ASXL2: variants seen among roughly 807,000 people sequenced by gnomAD.
ASXL2 encodes the protein ASXL transcriptional regulator 2.
A neutral mutation model predicts 122.0 loss-of-function variants in ASXL2; 23 were observed. The observed-to-expected ratio is 0.19, with a 90% CI of 0.14 to 0.27. ASXL2 has a LOEUF of 0.27. ASXL2 is among the 10% of genes least tolerant of loss of function. The pLI, the probability that ASXL2 is intolerant of heterozygous loss-of-function variation, is 1.00. For missense variants in ASXL2, 1,518 were observed against 1,713.8 expected, an observed-to-expected ratio of 0.89 and a Z score of 2.02; for synonymous variants, 650 against 637.0, an observed-to-expected ratio of 1.02 and a Z score of -0.31.
Position 25,744,499 on chromosome 2 carries a change from AAAC to A in ASXL2, c.1861-26_1861-24del. On this transcript the variant is annotated intron_variant, in intron 12 of 12. Coordinates refer to ENST00000435504, the MANE Select transcript of ASXL2 (RefSeq NM_018263.6). The surrounding 1 kb of genome is among the most constrained non-coding windows in gnomAD (Gnocchi z 4.7). ...GATCTGAAAGAAGTAGAGGGGAAAA[AAAC>A]AACAGAGCTTAGTTTTCATTTGTAA... 2 of 1,565,456 alleles carry A rather than the reference AAAC, an allele frequency of 1.3e-6. No homozygotes were observed. The highest frequency in any genetic ancestry group is 1.2e-5 in the South Asian group (1 of 85,502).
intron 5 of ASXL2, among the ~76,000 whole-genome samples, chr2:25,774,080 C>T (rs944691065): frequency 6.6e-6 from 1 of 151,530 alleles, no homozygotes; most frequent in African/African-American, 2.4e-5. Context: ...TACATCTTGC[C>T]TAAAGTATAA....
At chr2:25,745,641 C>CTTTTTTTTT (rs59530493) in intron 12 of ASXL2, among the ~76,000 whole-genome samples, 1 of 75,676 alleles carries the variant, frequency 1.3e-5, no homozygotes, top group Non-Finnish European at 2.6e-5. Context: ...TGATTTCCTT[C>CTTTTTTTTT]TTTTTTTTTT....
intron 3 of ASXL2, among the ~76,000 whole-genome samples, chr2:25,815,118 T>C (rs1420215154): frequency 6.6e-6 from 1 of 152,174 alleles, no homozygotes; most frequent in African/African-American, 2.4e-5. Context: ...CACCCTCACA[T>C]ACAACTATTC....
At chr2:25,840,743 C>T (rs2089570046) in intron 2 of ASXL2, among the ~76,000 whole-genome samples, 1 of 152,118 alleles carries the variant, frequency 6.6e-6, no homozygotes, top group Non-Finnish European at 1.5e-5. Flanking sequence ...TATGCATATA[C>T]CTTATTTTGT....
intron 4 of ASXL2, among the ~76,000 whole-genome samples, chr2:25,803,072 C>T (rs1254055059): frequency 2.0e-5 from 3 of 152,180 alleles, no homozygotes; most frequent in Admixed American, 6.5e-5. Flanking sequence ...GCGGAGGTTG[C>T]AGTGAGCTGA....
intron 1 of ASXL2, among the ~76,000 whole-genome samples, chr2:25,864,835 T>C (rs2089881635): frequency 6.9e-6 from 1 of 145,528 alleles, no homozygotes; most frequent in Non-Finnish European, 1.5e-5. Context: ...AATTTACAAT[T>C]TTTTTTTTTT....
chr2:25,846,806 T>C (rs1354469835), intron 1 of ASXL2, among the ~76,000 whole-genome samples: 1 of 152,064 alleles, frequency 6.6e-6, no homozygotes, highest in Non-Finnish European at 1.5e-5. Flanking sequence ...ACAGAGCCTG[T>C]CTCAAAAATA....
chr2:25,854,585 ATT>A (rs1294941979), intron 1 of ASXL2, among the ~76,000 whole-genome samples: 1 of 152,212 alleles, frequency 6.6e-6, no homozygotes, highest in Non-Finnish European at 1.5e-5. Context: ...GGTGACAGCA[ATT>A]TGTAGCTTAA....
chr2:25,822,974 T>C (rs182685739), intron 3 of ASXL2: 31 of 507,442 alleles, frequency 6.1e-5, no homozygotes, highest in African/African-American at 6.0e-4. Flanking sequence ...CACCTGGATT[T>C]TGGGAAAGAA....
At chr2:25,791,174 T>A (rs1441627334) in intron 5 of ASXL2, among the ~76,000 whole-genome samples, 1 of 151,950 alleles carries the variant, frequency 6.6e-6, no homozygotes, top group African/African-American at 2.4e-5. Flanking sequence ...CTCTCTCTTA[T>A]CTATACCTTA....
At chr2:25,745,473 A>G (rs959326638) in intron 12 of ASXL2, among the ~76,000 whole-genome samples, 1 of 150,852 alleles carries the variant, frequency 6.6e-6, no homozygotes, top group African/African-American at 2.4e-5. Context: ...TCGGCCTCCC[A>G]AAGTGCTGGG....
chr2:25,767,840 C>T (rs2088380357), intron 7 of ASXL2, 114 bp from the exon 8 acceptor site: 1 of 1,190,448 alleles, frequency 8.4e-7, no homozygotes, highest in South Asian at 1.5e-5. Flanking sequence ...ATGTGACCCT[C>T]CCTAATGTGT....
At chr2:25,787,508 A>T (rs552846078) in intron 5 of ASXL2, among the ~76,000 whole-genome samples, 1 of 152,360 alleles carries the variant, frequency 6.6e-6, no homozygotes, top group East Asian at 1.9e-4. Context: ...TTCTTCTGTT[A>T]AAATCCATGA....
At chr2:25,826,423 G>A (rs886141132) in intron 3 of ASXL2, among the ~76,000 whole-genome samples, 18 of 152,020 alleles carry the variant, frequency 1.2e-4, no homozygotes, top group Non-Finnish European at 2.5e-4. Flanking sequence ...AGCTTGTACC[G>A]TCCATCCTTA....
intron 1 of ASXL2, among the ~76,000 whole-genome samples, chr2:25,874,916 C>T (rs942285168): frequency 7.3e-6 from 1 of 137,368 alleles, no homozygotes; most frequent in Non-Finnish European, 1.6e-5. Context: ...CCTCTCTCTA[C>T]AAAAAAAAAT....
At chr2:25,864,462 A>T (rs1414313137) in intron 1 of ASXL2, among the ~76,000 whole-genome samples, 6 of 152,164 alleles carry the variant, frequency 3.9e-5, no homozygotes, top group Non-Finnish European at 5.9e-5. Flanking sequence ...GATTTCAAAA[A>T]TCCATTAAGA....
At chr2:25,796,363 G>A (rs1196310387) in intron 5 of ASXL2, among the ~76,000 whole-genome samples, 1 of 152,172 alleles carries the variant, frequency 6.6e-6, no homozygotes, top group Non-Finnish European at 1.5e-5. Flanking sequence ...TCTGGAACAT[G>A]TCAGTCCTTG....
Position 25,742,396 on chromosome 2 carries a change from G to A in ASXL2, c.3941C>T (p.Pro1314Leu), listed in dbSNP as rs570805684. The change falls in exon 13 of 13, where the codon CCG (proline) becomes CTG (leucine). Residue 1314 changes from proline (P) to leucine (L), a missense_variant. This residue lies in a region of ASXL2 where 831 missense variants were observed against 833.1 expected (regional missense o/e 1.00). Coordinates refer to ENST00000435504, the MANE Select transcript of ASXL2 (RefSeq NM_018263.6). Reference protein sequence around the residue: ...QPLLLPPLQTPKLYGSPTQIG... With the variant: ...QPLLLPPLQTLKLYGSPTQIG... Reference sequence around the variant, plus strand: ...CTGGGTGGGGCTTCCATACAACTTCGGGGTTTGCAGGGGTGGAAGGAGTAG... The same window carrying A: ...CTGGGTGGGGCTTCCATACAACTTCAGGGTTTGCAGGGGTGGAAGGAGTAG... 1.7e-5 allele frequency: 27 copies of A among 1,610,384 alleles called. No homozygotes were observed. In the East Asian group the frequency reaches 4.0e-4, roughly 24 times the overall value.
chr2:25,855,101 T>C (rs978583467), intron 1 of ASXL2, among the ~76,000 whole-genome samples: 3 of 152,216 alleles, frequency 2.0e-5, no homozygotes, highest in Non-Finnish European at 4.4e-5. Flanking sequence ...CCTACTCCTT[T>C]TGACAGATAC....
Sources: gnomAD v4.1 joint callset for allele counts (sites outside exome capture counted in the v4.1 genomes callset) on GRCh38, gnomAD v4.1.1 for gene constraint, gnomAD v4.1.1 regional missense constraint, Gnocchi (gnomAD v3.1) non-coding constraint, MANE v1.5 for transcripts, NCBI Gene and HGNC (gene_info 2026-07-23, HGNC 2026-07-21) for gene names.